The following NEXMIF variants were observed in gnomAD, a reference collection of about 807,000 sequenced individuals.
NEXMIF encodes XLMR protein related to neurite extension.
A neutral mutation model predicts 62.1 loss-of-function variants in NEXMIF; 8 were observed. The observed-to-expected ratio is 0.13, with a 90% confidence interval of 0.08 to 0.23. The LOEUF (loss-of-function observed/expected upper bound fraction) is 0.23, where lower values mean the gene tolerates loss of function less well. Ranked by LOEUF, NEXMIF falls within the 10% of genes least tolerant of loss-of-function variation. The pLI, the probability that NEXMIF is intolerant of heterozygous loss-of-function variation, is 1.00. For missense variants in NEXMIF, 976 were observed against 1,113.3 expected (o/e 0.88, Z 1.75); for synonymous variants, 404 against 416.6 (o/e 0.97, Z 0.37).
At chrX:74,854,127 C>G (rs1481423134) in intron 1 of NEXMIF, among the ~76,000 whole-genome samples, 2 of 111,686 alleles carry the variant, frequency 1.8e-5, no homozygotes. Context: ...ACAACAACAA[C>G]AAAAACTACA....
chrX:74,795,399 C>G (rs186734515), intron 1 of NEXMIF, among the ~76,000 whole-genome samples: 6 of 112,406 alleles, frequency 5.3e-5, no homozygotes, highest in African/African-American at 1.9e-4. Context: ...ATGAATGAGT[C>G]TTAAATGCAT....
At chrX:74,753,762 A>G (rs1004916706) in intron 1 of NEXMIF, among the ~76,000 whole-genome samples, 1 of 110,523 alleles carries the variant, frequency 9.0e-6, no homozygotes, top group African/African-American at 3.3e-5. Flanking sequence ...ACACTCAAAA[A>G]AATTATGGTG....
chrX:74,797,671 C>T (rs1361357852), intron 1 of NEXMIF, among the ~76,000 whole-genome samples: 1 of 111,833 alleles, frequency 8.9e-6, no homozygotes, highest in Non-Finnish European at 1.9e-5. Context: ...AATTTTCCAT[C>T]TGTACCATGA....
At chrX:74,886,253 C>G (rs1400945379) in intron 1 of NEXMIF, among the ~76,000 whole-genome samples, 3 of 111,686 alleles carry the variant, frequency 2.7e-5, no homozygotes, top group East Asian at 2.8e-4. Flanking sequence ...CAGGGATGCC[C>G]TCTCTCACCA....
chrX:74,844,086 T>C (rs2080483551), intron 1 of NEXMIF, among the ~76,000 whole-genome samples: 1 of 112,071 alleles, frequency 8.9e-6, no homozygotes, highest in South Asian at 3.7e-4. Flanking sequence ...GATTTTTTTC[T>C]TTAAGAATAT....
chrX:74,759,704 G>C (rs2080170342), intron 1 of NEXMIF, among the ~76,000 whole-genome samples: 2 of 111,282 alleles, frequency 1.8e-5, no homozygotes, highest in Non-Finnish European at 1.9e-5. Context: ...CTATAGGTGA[G>C]AGGCCTTACT....
chrX:74,873,958 T>C (rs1416725772), intron 1 of NEXMIF, among the ~76,000 whole-genome samples: 6 of 111,554 alleles, frequency 5.4e-5, no homozygotes, highest in Non-Finnish European at 1.1e-4. Flanking sequence ...TTCACTCTGA[T>C]GGTAGTTTCT....
At chrX:74,823,572 G>A (rs1323518604) in intron 1 of NEXMIF, among the ~76,000 whole-genome samples, 1 of 111,249 alleles carries the variant, frequency 9.0e-6, no homozygotes, top group Non-Finnish European at 1.9e-5. Context: ...CCGTTGTTAT[G>A]AAAGAGAATT....
At chrX:74,902,535 A>G (rs1478257579) in intron 1 of NEXMIF, among the ~76,000 whole-genome samples, 1 of 111,102 alleles carries the variant, frequency 9.0e-6, no homozygotes, top group Non-Finnish European at 1.9e-5. Flanking sequence ...GGAAGTGCCT[A>G]TCTAGCTTAT....
chrX:74,793,137 T>C (rs1357857106), intron 1 of NEXMIF, among the ~76,000 whole-genome samples: 1 of 111,163 alleles, frequency 9.0e-6, no homozygotes, highest in African/African-American at 3.3e-5. Context: ...CCATGTTTAG[T>C]GCTTCCTTCA....
intron 1 of NEXMIF, among the ~76,000 whole-genome samples, chrX:74,911,376 T>C (rs973057697): frequency 4.5e-5 from 5 of 111,522 alleles, no homozygotes; most frequent in African/African-American, 1.6e-4. Flanking sequence ...GCTGAGATCA[T>C]GCCACTACAC....
At chrX:74,868,429 T>C (rs1034023462) in intron 1 of NEXMIF, among the ~76,000 whole-genome samples, 7 of 111,716 alleles carry the variant, frequency 6.3e-5, no homozygotes, top group Admixed American at 9.6e-5. Context: ...ATATACACCA[T>C]TGAATACTAT....
intron 1 of NEXMIF, among the ~76,000 whole-genome samples, chrX:74,824,689 C>A (rs1442572672): frequency 9.3e-6 from 1 of 107,598 alleles, no homozygotes; most frequent in Admixed American, 9.9e-5. Flanking sequence ...CACTCTGTCG[C>A]CCAGGCTGGA....
At chrX:74,804,533 T>C (rs756635785) in intron 1 of NEXMIF, among the ~76,000 whole-genome samples, 1 of 111,969 alleles carries the variant, frequency 8.9e-6, no homozygotes, top group African/African-American at 3.2e-5. Context: ...CAGGTTTCCT[T>C]TTGGCCCAGG....
chrX:74,815,347 C>T (rs181812000), intron 1 of NEXMIF, among the ~76,000 whole-genome samples: 1 of 111,515 alleles, frequency 9.0e-6, no homozygotes, highest in African/African-American at 3.3e-5. Flanking sequence ...TCCCCTAAAT[C>T]TAGTACAGCT....
Position 74,740,502 on chromosome X carries a change from T to C in NEXMIF, c.4055A>G (p.Asn1352Ser), listed in dbSNP as rs1299106178. Residue 1352 changes from asparagine (N) to serine (S), a missense_variant, in exon 3 of 4, where the codon AAC becomes AGC. Physicochemically the swap from Asn to Ser is conservative, Grantham distance 46. Transcript: ENST00000055682. ...ATTGGACTCAGGGGAGTAGAATATG[T>C]TGGGATCCCCATGGTGCTCCATGGG... ...WEPMEHHGDPNIFYSPESNSL... is the reference protein window; with the variant it reads ...WEPMEHHGDPSIFYSPESNSL... 18 of 1,209,612 alleles carry C rather than the reference T, an allele frequency of 1.5e-5. No individual in the cohort carries two copies. The South Asian group carries it at 2.6e-4, about 18-fold the overall frequency.
intron 1 of NEXMIF, among the ~76,000 whole-genome samples, chrX:74,880,374 CATG>C (rs2080658078): frequency 9.0e-6 from 1 of 111,568 alleles, no homozygotes; most frequent in African/African-American, 3.3e-5. Flanking sequence ...CATGTGACTT[CATG>C]ATGATGGCCT....
chrX:74,751,310 G>T (rs760108522), intron 1 of NEXMIF, among the ~76,000 whole-genome samples: 4 of 111,617 alleles, frequency 3.6e-5, no homozygotes, highest in African/African-American at 6.5e-5. Context: ...GACAGAGTAC[G>T]ATCATTAGCT....
intron 1 of NEXMIF, among the ~76,000 whole-genome samples, chrX:74,846,473 A>G (rs1200984616): frequency 4.5e-5 from 5 of 111,751 alleles, no homozygotes; most frequent in Non-Finnish European, 7.5e-5. Flanking sequence ...TTTCTCCCTT[A>G]TCATATATTA....
Sources: gnomAD v4.1 joint callset for allele counts (sites outside exome capture counted in the v4.1 genomes callset) on GRCh38, gnomAD v4.1.1 for gene constraint, MANE v1.5 for transcripts, NCBI Gene and HGNC (gene_info 2026-07-23, HGNC 2026-07-21) for gene names.